The following ACSM1 variants were observed in gnomAD, a reference collection of about 807,000 sequenced individuals.
ACSM1 encodes acyl-CoA synthetase medium chain family member 1, also known as acyl-coenzyme A synthetase ACSM1, mitochondrial.
ACSM1 carries 79 observed loss-of-function variants against 75.8 expected under a neutral mutation model. The ratio of observed to expected loss-of-function variants is 1.04; its 90% CI spans 0.87 to 1.26. ACSM1 has a LOEUF of 1.26. ACSM1 is among the 50% of genes most tolerant of loss of function. ACSM1 has a pLI of 0.00. For missense variants in ACSM1, 676 were observed against 720.1 expected (o/e 0.94, Z 0.70); for synonymous variants, 279 against 265.8 (o/e 1.05, Z -0.48).
At chr16:20,629,530 T>C (rs1235516445) in intron 10 of ACSM1, among the ~76,000 whole-genome samples, 1 of 152,066 alleles carries the variant, frequency 6.6e-6, no homozygotes, top group Non-Finnish European at 1.5e-5. Context: ...CCAGAAAATA[T>C]TAAGCCACAC....
At chr16:20,637,614 C>T (rs1351685232) in intron 8 of ACSM1, among the ~76,000 whole-genome samples, 163 bp from the exon 9 acceptor site, 2 of 152,212 alleles carry the variant, frequency 1.3e-5, no homozygotes, top group Admixed American at 6.5e-5. Flanking sequence ...TTAGTCTAGG[C>T]TCAAGGTGTT....
chr16:20,685,819 C>CAAAAAAAAAAAA lies in ACSM1; in HGVS notation c.193-428_193-417dup, dbSNP rs71842093. On this transcript the variant is annotated intron_variant, in intron 2 of 13. Coordinates refer to ENST00000520010, the MANE Select transcript of ACSM1 (RefSeq NM_001318890.3). ...TGGATGACACAGTGAGACTCCGTCT[C>CAAAAAAAAAAAA]AAAAAAAAAAAACAAACAAAAAAAA... Among the ~76,000 whole-genome samples the CAAAAAAAAAAAA allele has an allele frequency of 2.8e-4, 14 of 50,178 alleles. 4 individuals are homozygous for CAAAAAAAAAAAA. The highest frequency in any genetic ancestry group is 3.9e-4 in the Non-Finnish European group (12 of 30,862). The allele number at this position is 50,178 out of a possible 152,430, so 32.9% of individuals were successfully genotyped here. A position where few individuals can be genotyped will look rare whatever the true frequency, so the allele number is the denominator to read the frequency against.
Position 20,687,033 on chromosome 16 carries a change from G to A in ACSM1, c.193-1630C>T, listed in dbSNP as rs577906008. ...CCCCCATCTCTTTCTGGTGTGGTGC[G>A]GTGCAGTCAAGAGGAAGCCCCCCAA... On this transcript the variant is annotated intron_variant, in intron 2 of 13. Transcript: ENST00000520010. Among the ~76,000 whole-genome samples, 7 of 148,516 alleles carry A rather than the reference G, an allele frequency of 4.7e-5. No individual in the cohort carries two copies. The East Asian group carries it at 6.0e-4, about 13-fold the overall frequency.
intron 12 of ACSM1, among the ~76,000 whole-genome samples, chr16:20,624,867 C>T (rs916024268): frequency 1.3e-5 from 2 of 151,920 alleles, no homozygotes; most frequent in Non-Finnish European, 2.9e-5. Flanking sequence ...CCCACCTGCC[C>T]CCACCACACC....
rs1254656153 is a variant in ACSM1 at position 20,623,450 on chromosome 16, C to T, written c.*36G>A. The T allele has an allele frequency of 6.3e-7, 1 of 1,596,392 alleles. No homozygotes were observed. The highest frequency in any genetic ancestry group is 8.6e-7 in the Non-Finnish European group (1 of 1,164,358). ...GGAGACTAAAGTGGCCAGGGATTTG[C>T]CTTAGGTGTGCAGTGCGTTCTGAGT... On this transcript the variant is annotated 3_prime_UTR_variant, in exon 14 of 14. Coordinates refer to ENST00000520010, the MANE Select transcript of ACSM1 (RefSeq NM_001318890.3).
intron 4 of ACSM1, chr16:20,679,450 G>T (rs1035056440): frequency 5.3e-5 from 8 of 152,204 alleles, no homozygotes; most frequent in African/African-American, 1.7e-4. Context: ...CTCTAGATAA[G>T]TAAATGTAGA....
intron 10 of ACSM1, among the ~76,000 whole-genome samples, chr16:20,632,188 A>G (rs2017391868): frequency 6.6e-6 from 1 of 152,226 alleles, no homozygotes; most frequent in Non-Finnish European, 1.5e-5. Context: ...CCAGAATAAG[A>G]AGAGCAAACT....
At chr16:20,683,987 C>A (rs1268791922) in intron 3 of ACSM1, among the ~76,000 whole-genome samples, 3 of 152,106 alleles carry the variant, frequency 2.0e-5, no homozygotes, top group Non-Finnish European at 4.4e-5. Context: ...GAATGAATCA[C>A]CTATTTTATT....
Position 20,669,441 on chromosome 16 carries a change from A to AACACACACACACAC in ACSM1, c.912+372_912+385dup, listed in dbSNP as rs71149170. ...AACATTTTATCATATTGAGTAAGAA[A>AACACACACACACAC]ACACACACACACACACACACACACA... On this transcript the variant is annotated intron_variant, in intron 6 of 13. Transcript: ENST00000520010. 3.5e-3 allele frequency among the ~76,000 whole-genome samples: 497 copies of AACACACACACACAC among 141,346 alleles called. 3 individuals carry two copies. Among genetic ancestry groups the AACACACACACACAC allele is most frequent in the African/African-American group, 0.012 (472 of 37,938 alleles). 92.7% of individuals were successfully genotyped at this position (141,346 alleles called of 152,430 possible). A position where few individuals can be genotyped will look rare whatever the true frequency, so the allele number is the denominator to read the frequency against.
intron 10 of ACSM1, among the ~76,000 whole-genome samples, chr16:20,632,228 A>C (rs913373280): frequency 6.6e-6 from 1 of 152,208 alleles, no homozygotes; most frequent in Non-Finnish European, 1.5e-5. Flanking sequence ...GCAGGAAATA[A>C]AGATTAGAGT....
chr16:20,695,434 C>T (rs1346696866), intron 1 of ACSM1, among the ~76,000 whole-genome samples: 1 of 151,942 alleles, frequency 6.6e-6, no homozygotes, highest in African/African-American at 2.4e-5. Context: ...AGTAGTTAAG[C>T]CAGAGGAAAA....
intron 9 of ACSM1, chr16:20,637,070 G>A: frequency 4.0e-6 from 3 of 750,618 alleles, no homozygotes; most frequent in Non-Finnish European, 7.3e-6. Flanking sequence ...CTTCAAGTTG[G>A]AAAACAGTGA....
chr16:20,679,434 G>GTTT (rs1437628345), intron 4 of ACSM1: 3 of 152,144 alleles, frequency 2.0e-5, no homozygotes, highest in Non-Finnish European at 2.9e-5. Flanking sequence ...AAGCTAAGAG[G>GTTT]ACCATCTCTA....
chr16:20,640,119 T>C (rs1373970689), intron 8 of ACSM1, among the ~76,000 whole-genome samples: 1 of 152,188 alleles, frequency 6.6e-6, no homozygotes, highest in Non-Finnish European at 1.5e-5. Context: ...AATATGTACC[T>C]AGTTGCTTTC....
At chr16:20,692,033 T>C (rs28739281) in intron 1 of ACSM1, among the ~76,000 whole-genome samples, 7,298 of 151,380 alleles carry the variant, frequency 0.048, 585 homozygotes, top group African/African-American at 0.17. Context: ...GTTAATATTC[T>C]CTGGATTCTG....
At chr16:20,663,016 A>C (rs2019375792) in intron 6 of ACSM1, among the ~76,000 whole-genome samples, 2 of 152,130 alleles carry the variant, frequency 1.3e-5, no homozygotes, top group Non-Finnish European at 2.9e-5. Flanking sequence ...GTCATGATGT[A>C]AAAGAGTCTT....
rs535317405 is a variant in ACSM1 at position 20,683,776 on chromosome 16, G to A, written c.404-1313C>T. 4.1e-5 allele frequency among the ~76,000 whole-genome samples: 6 copies of A among 148,062 alleles called. No homozygotes were observed. The East Asian group carries it at 1.0e-3, about 25-fold the overall frequency. Reference sequence around the variant, plus strand: ...GTAGAGATGGGGTTTCACCATGTTGGCCAGGATGGTCTCGATCTCCTGACC... The same window carrying A: ...GTAGAGATGGGGTTTCACCATGTTGACCAGGATGGTCTCGATCTCCTGACC... On this transcript the variant is annotated intron_variant, in intron 3 of 13. Transcript: ENST00000520010.
chr16:20,670,056 T>A (rs1394927222), intron 5 of ACSM1, 70 bp from the exon 6 acceptor site: 7 of 1,510,950 alleles, frequency 4.6e-6, no homozygotes, highest in Non-Finnish European at 6.4e-6. Context: ...TGCACTCTGG[T>A]TTTTAGCTAC....
At chr16:20,643,848 CAG>C (rs1288504764) in intron 7 of ACSM1, among the ~76,000 whole-genome samples, 15 of 152,120 alleles carry the variant, frequency 9.9e-5, no homozygotes, top group African/African-American at 3.4e-4. Context: ...TATCTAGACA[CAG>C]AGCGCTGATT....
Sources: gnomAD v4.1 joint callset for allele counts (sites outside exome capture counted in the v4.1 genomes callset) on GRCh38, gnomAD v4.1.1 for gene constraint, MANE v1.5 for transcripts, NCBI Gene and HGNC (gene_info 2026-07-23, HGNC 2026-07-21) for gene names.